Variants in CHD7 observed in about 807,000 individuals in gnomAD.
CHD7 encodes the protein ATP-dependent chromatin remodeler CHD7.
In CHD7, 24 loss-of-function variants were observed where a neutral mutation model predicts 307.3. The observed-to-expected ratio is 0.08, with a 90% CI of 0.06 to 0.11. The LOEUF is 0.11. Among genes scored for constraint, CHD7 ranks in the 10% least tolerant of loss-of-function variants. The pLI, the probability that CHD7 is intolerant of heterozygous loss-of-function variation, is 1.00. For missense variants in CHD7, 3,106 were observed against 3,727.1 expected, an observed-to-expected ratio of 0.83 and a Z score of 4.34; for synonymous variants, 1,363 against 1,349.9, an observed-to-expected ratio of 1.01 and a Z score of -0.21.
chr8:60,757,723 G>A (rs1809965722), intron 2 of CHD7, among the ~76,000 whole-genome samples: 1 of 152,184 alleles, frequency 6.6e-6, no homozygotes, highest in Non-Finnish European at 1.5e-5. Flanking sequence ...GACAGTGTTA[G>A]TTCTGATAGA....
Position 60,828,767 on chromosome 8 carries a change from A to G in CHD7, c.3483A>G (p.Thr1161=), listed in dbSNP as rs371212381. The part of the protein sequence containing the change: ...LEPSRFPSET[T]FMQEFGDLKT... Reference sequence around the variant, plus strand: ...CAAGTCGCTTCCCTTCAGAAACCACATTTATGCAAGAATTTGGTGATCTAA... The same window carrying G: ...CAAGTCGCTTCCCTTCAGAAACCACGTTTATGCAAGAATTTGGTGATCTAA... Residue 1161 remains threonine (T), a synonymous_variant, in exon 14 of 38, where the codon ACA becomes ACG. Coordinates refer to ENST00000423902, the MANE Select transcript of CHD7 (RefSeq NM_017780.4). 23 of 1,613,592 alleles carry G rather than the reference A, an allele frequency of 1.4e-5. No individual in the cohort carries two copies. Among genetic ancestry groups the G allele is most frequent in the Non-Finnish European group, 1.9e-5 (22 of 1,179,728 alleles).
intron 29 of CHD7, 95 bp downstream of exon 29, chr8:60,852,342 G>A: frequency 4.5e-6 from 6 of 1,337,856 alleles, no homozygotes; most frequent in Non-Finnish European, 6.2e-6. Context: ...ATCAAAGGTA[G>A]TGACCACCAA....
chr8:60,832,969 T>G (rs1804587941), intron 15 of CHD7, among the ~76,000 whole-genome samples: 1 of 152,162 alleles, frequency 6.6e-6, no homozygotes, highest in South Asian at 2.1e-4. Context: ...TGTCCCTAAA[T>G]TTGGGGAAGT....
rs1203336052 is a variant in CHD7, at chr8:60,855,966, T to G, written c.6937-9T>G. ...TTAAAATTTCTTGTGACTTTTCTTC[T>G]CCCTCCAGGATAGAGTAATGATAAA... On this transcript the variant is annotated splice_polypyrimidine_tract_variant and intron_variant, in intron 32 of 37. Transcript: ENST00000423902. 17 of 1,575,960 alleles carry G rather than the reference T, an allele frequency of 1.1e-5. No individual in the cohort carries two copies. Among genetic ancestry groups the G allele is most frequent in the Non-Finnish European group, 1.4e-5 (16 of 1,154,144 alleles).
intron 4 of CHD7, among the ~76,000 whole-genome samples, chr8:60,799,546 G>C (rs1206400096): frequency 6.6e-6 from 1 of 152,052 alleles, no homozygotes; most frequent in Non-Finnish European, 1.5e-5. Context: ...TTTCTTTTAG[G>C]ATCAAGATTA....
At chr8:60,848,494 C>CTGAA in intron 23 of CHD7, 21 bp from the exon 24 acceptor site, 1 of 1,589,344 alleles carries the variant, frequency 6.3e-7, no homozygotes, top group Non-Finnish European at 8.6e-7. Flanking sequence ...AACTTTTTCC[C>CTGAA]CCCTCTGTCT....
chr8:60,797,386 G>A (rs927881492), intron 4 of CHD7, among the ~76,000 whole-genome samples: 2 of 152,174 alleles, frequency 1.3e-5, no homozygotes, highest in African/African-American at 2.4e-5. Flanking sequence ...ATATCACAAA[G>A]TTGATATCAG....
chr8:60,836,612 GAAGTA>G (rs879585268), intron 16 of CHD7, among the ~76,000 whole-genome samples, 200 bp from the exon 17 acceptor site: 2 of 151,938 alleles, frequency 1.3e-5, no homozygotes, highest in Admixed American at 1.3e-4. Context: ...CCCTGGAGAG[GAAGTA>G]AAATAAAATT....
intron 1 of CHD7, among the ~76,000 whole-genome samples, chr8:60,684,612 G>T (rs1408078355): frequency 1.3e-5 from 2 of 152,130 alleles, no homozygotes. Flanking sequence ...AGGGGTGAGG[G>T]CACTTCAGGC....
At chr8:60,856,283 G>A (rs1805704228) in intron 33 of CHD7, 81 bp downstream of exon 33, 1 of 1,290,132 alleles carries the variant, frequency 7.8e-7, no homozygotes, top group Non-Finnish European at 1.1e-6. Flanking sequence ...ATATTTCACT[G>A]GCCTTGCTTA....
intron 7 of CHD7, among the ~76,000 whole-genome samples, chr8:60,812,944 A>G (rs1317545293): frequency 6.6e-6 from 1 of 152,050 alleles, no homozygotes; most frequent in Non-Finnish European, 1.5e-5. Flanking sequence ...ATAAAATGTA[A>G]TACTGTTTAG....
In CHD7 at chr8:60,850,609, G is replaced by A; in HGVS notation, c.5521G>A (p.Asp1841Asn). 6.2e-7 allele frequency: 1 copy of A among 1,612,340 alleles called. No homozygotes were observed. Among genetic ancestry groups the A allele is most frequent in the Non-Finnish European group, 8.5e-7 (1 of 1,179,112 alleles). Residue 1841 changes from aspartate to asparagine, a missense_variant, in exon 26 of 38, where the codon GAT (aspartate) becomes AAT (asparagine). By Grantham distance (23) the Asp-to-Asn change is conservative (BLOSUM62 1). This residue lies in a region of CHD7 where 1,030 missense variants were observed against 1,165.4 expected (regional missense o/e 0.88). Transcript: ENST00000423902. ...GCAAAGAGGAACAGACATGCTAGCA[G>A]ATGGTGGTGACGGGTAAGAAGGACA... Reference protein sequence around the residue: ...AEQRGTDMLADGGDGGEFDRE... With the variant: ...AEQRGTDMLANGGDGGEFDRE...
chr8:60,753,373 G>C (rs1809732334), intron 2 of CHD7, among the ~76,000 whole-genome samples: 2 of 152,060 alleles, frequency 1.3e-5, no homozygotes, highest in African/African-American at 4.8e-5. Context: ...TGAAAATCAT[G>C]GTAGAAGACT....
At chr8:60,681,822 A>G (rs540415218) in intron 1 of CHD7, among the ~76,000 whole-genome samples, 24 of 152,308 alleles carry the variant, frequency 1.6e-4, no homozygotes, top group Admixed American at 3.3e-4. Flanking sequence ...CGAGTCACTA[A>G]ATTGAACCAT....
intron 7 of CHD7, chr8:60,809,392 G>A (rs1441460557): frequency 6.6e-6 from 1 of 152,166 alleles, no homozygotes; most frequent in African/African-American, 2.4e-5. Context: ...ATGGTAAGGA[G>A]GAGGTAAACT....
rs768807046 is a variant in CHD7 at position 60,742,417 on chromosome 8, A to T, written c.985A>T (p.Asn329Tyr). The change falls in exon 2 of 38, where the codon AAT (asparagine) becomes TAT (tyrosine). Residue 329 changes from asparagine (N) to tyrosine (Y), a missense_variant. This residue lies in a region of CHD7 where 998 missense variants were observed against 1,004.5 expected (regional missense o/e 0.99). Coordinates refer to ENST00000423902, the MANE Select transcript of CHD7 (RefSeq NM_017780.4). ...GGGATTAGTTAACAATACAGGGATG[A>T]ATCAAAATTTAGGCCTTACAAATAA... ...NQGLVNNTGMNQNLGLTNNTP... is the reference protein window; with the variant it reads ...NQGLVNNTGMYQNLGLTNNTP... 1 of 1,614,008 alleles carries T rather than the reference A, an allele frequency of 6.2e-7. No individual in the cohort carries two copies. Among genetic ancestry groups the T allele is most frequent in the Non-Finnish European group, 8.5e-7 (1 of 1,179,864 alleles).
chr8:60,699,439 T>C lies in CHD7; in HGVS notation c.-175+20357T>C, dbSNP rs375287388. Reference sequence around the variant, plus strand: ...GAACTGAAATGATTTCAAACATTGATGATTTAACTGTTTTGTTTCTAATCA... The same window carrying C: ...GAACTGAAATGATTTCAAACATTGACGATTTAACTGTTTTGTTTCTAATCA... On this transcript the variant is annotated intron_variant, in intron 1 of 37. Coordinates refer to ENST00000423902, the MANE Select transcript of CHD7 (RefSeq NM_017780.4). Among the ~76,000 whole-genome samples, 249 of 152,352 alleles carry C rather than the reference T, an allele frequency of 1.6e-3. 4 individuals are homozygous for C. Among genetic ancestry groups the C allele is most frequent in the African/African-American group, 5.7e-3 (235 of 41,564 alleles).
chr8:60,730,803 T>C (rs1808411750), intron 1 of CHD7, among the ~76,000 whole-genome samples: 1 of 151,950 alleles, frequency 6.6e-6, no homozygotes, highest in Admixed American at 6.6e-5. Flanking sequence ...GAGCTTTCAG[T>C]TAGCTGAGAT....
At chr8:60,825,644 C>T (rs1357671132) in intron 13 of CHD7, among the ~76,000 whole-genome samples, 1 of 152,230 alleles carries the variant, frequency 6.6e-6, no homozygotes, top group East Asian at 1.9e-4. Flanking sequence ...GATCCACCTT[C>T]ATAGTTTTCT....
Sources: allele counts gnomAD v4.1 joint callset (sites outside exome capture counted in the v4.1 genomes callset), GRCh38; gene constraint gnomAD v4.1.1; regional missense constraint gnomAD v4.1.1; transcripts MANE v1.5; gene names NCBI Gene and HGNC (gene_info 2026-07-23, HGNC 2026-07-21).